The following ROBO2 variants were observed in gnomAD, a reference collection of about 807,000 sequenced individuals.
ROBO2 encodes the protein roundabout guidance receptor 2.
In ROBO2, 53 loss-of-function variants were observed where a neutral mutation model predicts 160.8. The observed-to-expected ratio is 0.33, with a 90% CI of 0.26 to 0.41. ROBO2 has a LOEUF of 0.41. ROBO2 is among the 10% of genes least tolerant of loss of function. The probability of loss-of-function intolerance (pLI) is 1.00; values close to 1 mark genes in which losing one functional copy is unlikely to be tolerated. For synonymous variants in ROBO2, 664 were observed against 611.7 expected, an observed-to-expected ratio of 1.09 and a Z score of -1.26; for missense variants, 1,577 against 1,722.4, an observed-to-expected ratio of 0.92 and a Z score of 1.49.
chr3:76,261,166 TTA>T (rs1366236465), intron 2 of ROBO2, among the ~76,000 whole-genome samples: 7 of 120,086 alleles, frequency 5.8e-5, no homozygotes, highest in African/African-American at 1.9e-4. Flanking sequence ...TTAAACTAAA[TTA>T]TGTGTGTGTG....
rs10710219 is a variant in ROBO2 at position 77,261,768 on chromosome 3, A to ATT, written c.388+163444_388+163445dup. The stretch of plus-strand genomic sequence containing the variant: ...TTGTTGCCAAAGGATTTCTGATTTC[A>ATT]TTTTTTTTTTTTTTTTTGTAAGACA... On this transcript the variant is annotated intron_variant, in intron 2 of 25. Transcript: ENST00000461745. 4.5e-3 allele frequency among the ~76,000 whole-genome samples: 608 copies of ATT among 135,616 alleles called. 7 individuals are homozygous for ATT. Among genetic ancestry groups the ATT allele is most frequent in the African/African-American group, 0.015 (532 of 35,800 alleles). The allele number at this position is 135,616 out of a possible 152,430, so 89.0% of individuals were successfully genotyped here.
intron 2 of ROBO2, among the ~76,000 whole-genome samples, chr3:76,488,531 C>A (rs550201183): frequency 2.0e-5 from 3 of 152,150 alleles, no homozygotes; most frequent in Non-Finnish European, 4.4e-5. Context: ...AGGGGTACAT[C>A]GCTGCTACTT....
intron 2 of ROBO2, among the ~76,000 whole-genome samples, chr3:76,680,069 G>A (rs926715506): frequency 1.3e-5 from 2 of 152,072 alleles, no homozygotes; most frequent in Non-Finnish European, 2.9e-5. Flanking sequence ...TAAACATTGT[G>A]CAAAGAAAGA....
intron 2 of ROBO2, among the ~76,000 whole-genome samples, chr3:76,621,428 C>T (rs1234801554): frequency 6.6e-6 from 1 of 152,158 alleles, no homozygotes; most frequent in Non-Finnish European, 1.5e-5. Flanking sequence ...CTGCAAATAC[C>T]ACATCTTAAA....
intron 16 of ROBO2, among the ~76,000 whole-genome samples, chr3:77,582,998 C>T (rs547310010): frequency 1.6e-4 from 24 of 151,254 alleles, no homozygotes; most frequent in Admixed American, 4.6e-4. Flanking sequence ...AGAAATTAGC[C>T]GGGCGTGGTG....
intron 2 of ROBO2, among the ~76,000 whole-genome samples, chr3:76,272,832 T>TATATATATTTATATATAAATATATAAA (rs1553693025): frequency 5.2e-5 from 2 of 38,284 alleles, no homozygotes; most frequent in African/African-American, 1.7e-4. Flanking sequence ...ATATATAAAA[T>TATATATATTTATATATAAATATATAAA]ATATATATTA....
intron 2 of ROBO2, among the ~76,000 whole-genome samples, chr3:76,780,870 T>C (rs1312175196): frequency 6.6e-6 from 1 of 150,832 alleles, no homozygotes; most frequent in East Asian, 2.0e-4. Context: ...CTTTGTTCTT[T>C]TTTTTCAAGA....
chr3:76,448,047 A>T (rs1428623240), intron 2 of ROBO2, among the ~76,000 whole-genome samples: 3 of 146,884 alleles, frequency 2.0e-5, no homozygotes, highest in African/African-American at 2.7e-5. Context: ...TATATATATA[A>T]AAAAAGAAAT....
rs565867997 is a variant in ROBO2, at chr3:76,675,264, G to T, written c.110-422750G>T. On this transcript the variant is annotated intron_variant, in intron 2 of 26. Coordinates refer to the ROBO2 transcript ENST00000487694. ...AGTAAAACCCCTTCCACTGGTTCTT[G>T]CAAGGACTAGCTGAGAAAACAAAGT... 2.0e-5 allele frequency among the ~76,000 whole-genome samples: 3 copies of T among 152,214 alleles called. No homozygotes were observed. In the East Asian group the frequency reaches 5.8e-4, roughly 29 times the overall value.
At chr3:77,444,275 T>C (rs2080245025) in intron 2 of ROBO2, among the ~76,000 whole-genome samples, 1 of 152,336 alleles carries the variant, frequency 6.6e-6, no homozygotes, top group African/African-American at 2.4e-5. Context: ...ATACAGAGGA[T>C]GAAGCTTTAA....
intron 2 of ROBO2, among the ~76,000 whole-genome samples, chr3:76,923,976 A>G (rs1043428563): frequency 4.8e-4 from 73 of 152,242 alleles, no homozygotes; most frequent in African/African-American, 1.5e-3. Flanking sequence ...AATATCAAAC[A>G]TCATAATTGT....
chr3:76,499,311 A>G (rs900619011), intron 2 of ROBO2, among the ~76,000 whole-genome samples: 2 of 152,218 alleles, frequency 1.3e-5, no homozygotes, highest in African/African-American at 2.4e-5. Flanking sequence ...TGGATGCTAC[A>G]TATGACTGTC....
chr3:77,387,533 A>G (rs2074264859), intron 2 of ROBO2, among the ~76,000 whole-genome samples: 1 of 151,854 alleles, frequency 6.6e-6, no homozygotes, highest in African/African-American at 2.4e-5. Flanking sequence ...TCCTTTTGAT[A>G]GTCATGTGAA....
Position 77,634,857 on chromosome 3 carries a change from A to G in ROBO2, c.3761-13A>G. Reference sequence around the variant, plus strand: ...TCATTCTCTAGAACCCATTCCCTTTATTTTCATTTTAGGAAAAGCCTTTAC... The same window carrying G: ...TCATTCTCTAGAACCCATTCCCTTTGTTTTCATTTTAGGAAAAGCCTTTAC... On this transcript the variant is annotated splice_polypyrimidine_tract_variant and intron_variant, in intron 23 of 25. Transcript: ENST00000461745. The G allele has an allele frequency of 1.9e-6, 3 of 1,613,458 alleles. No individual in the cohort carries two copies. The highest frequency in any genetic ancestry group is 2.5e-6 in the Non-Finnish European group (3 of 1,179,548).
Position 76,744,671 on chromosome 3 carries a change from C to T in ROBO2, c.110-353343C>T, listed in dbSNP as rs538124066. ...GCCACCACGCCTGGCAAGAATTGACCGCTTTTGAGGCCTCCTTGGCTTGTA... is the reference window on the plus strand; with the variant it reads ...GCCACCACGCCTGGCAAGAATTGACTGCTTTTGAGGCCTCCTTGGCTTGTA... On this transcript the variant is annotated intron_variant, in intron 2 of 26. Transcript: ENST00000487694. 5.3e-5 allele frequency among the ~76,000 whole-genome samples: 8 copies of T among 152,120 alleles called. No individual in the cohort carries two copies. In the South Asian group the frequency reaches 8.3e-4, roughly 16 times the overall value.
chr3:76,068,173 T>G (rs2068322956), intron 2 of ROBO2, among the ~76,000 whole-genome samples: 1 of 152,070 alleles, frequency 6.6e-6, no homozygotes, highest in Non-Finnish European at 1.5e-5. Context: ...GAGTACAGAC[T>G]TTGCAGGTAG....
At chr3:77,091,169 A>G (rs1460984991) in intron 1 of ROBO2, among the ~76,000 whole-genome samples, 2 of 152,198 alleles carry the variant, frequency 1.3e-5, no homozygotes, top group East Asian at 3.9e-4. Context: ...AGGAAATACT[A>G]TACTCCAACT....
chr3:76,787,116 G>A (rs184571663), intron 2 of ROBO2, among the ~76,000 whole-genome samples: 7 of 151,012 alleles, frequency 4.6e-5, no homozygotes, highest in African/African-American at 1.5e-4. Flanking sequence ...AGGGAAGTCC[G>A]CTCTCATGAT....
At chr3:76,977,260 TAACA>T (rs1002717564) in intron 2 of ROBO2, among the ~76,000 whole-genome samples, 3 of 152,172 alleles carry the variant, frequency 2.0e-5, no homozygotes, top group Non-Finnish European at 2.9e-5. Flanking sequence ...AACTGCATTA[TAACA>T]AACATTTTAA....
Sources: allele counts gnomAD v4.1 joint callset (sites outside exome capture counted in the v4.1 genomes callset), GRCh38; gene constraint gnomAD v4.1.1; transcripts MANE v1.5; gene names NCBI Gene and HGNC (gene_info 2026-07-23, HGNC 2026-07-21).